Variants in OSBPL8 observed in about 807,000 individuals in gnomAD.
OSBPL8 encodes oxysterol binding protein like 8, also known as oxysterol-binding protein-related protein 8.
In OSBPL8, 59 loss-of-function variants were observed where a neutral mutation model predicts 125.5. The ratio of observed to expected loss-of-function variants is 0.47; its 90% CI spans 0.38 to 0.58. The LOEUF (loss-of-function observed/expected upper bound fraction) is 0.58, where lower values mean the gene tolerates loss of function less well. Among genes scored for constraint, OSBPL8 ranks in the 20% least tolerant of loss-of-function variants. The pLI is 0.00. For missense variants in OSBPL8, 758 were observed against 1,047.8 expected, an observed-to-expected ratio of 0.72 and a Z score of 3.82; for synonymous variants, 330 against 338.9, an observed-to-expected ratio of 0.97 and a Z score of 0.29.
rs951416498 is a variant in OSBPL8, at chr12:76,433,462, CA to C, written c.217+17388del. Among the ~76,000 whole-genome samples the C allele has an allele frequency of 4.8e-5, 7 of 144,468 alleles. No individual in the cohort carries two copies. The East Asian group carries it at 1.0e-3, about 21-fold the overall frequency. 94.8% of individuals were successfully genotyped at this position (144,468 alleles called of 152,430 possible). On this transcript the variant is annotated intron_variant, in intron 4 of 23. Coordinates refer to ENST00000261183, the MANE Select transcript of OSBPL8 (RefSeq NM_020841.5). ...ATAAAAACAATCCCAGTTACAATAG[CA>C]AAAAAAAAGAATACTTAGAAATAAA...
At chr12:76,407,027 G>A (rs1221778086) in intron 5 of OSBPL8, among the ~76,000 whole-genome samples, 1 of 152,142 alleles carries the variant, frequency 6.6e-6, no homozygotes, top group Non-Finnish European at 1.5e-5. Flanking sequence ...TGACCAAAAT[G>A]AGAGTATTCA....
At chr12:76,400,288 A>C (rs1438188897) in intron 6 of OSBPL8, among the ~76,000 whole-genome samples, 2 of 152,202 alleles carry the variant, frequency 1.3e-5, no homozygotes, top group East Asian at 1.9e-4. Flanking sequence ...TAGTCTGCTA[A>C]GGATAATGCC....
At chr12:76,410,853 G>A (rs1592629905) in intron 4 of OSBPL8, among the ~76,000 whole-genome samples, 1 of 152,168 alleles carries the variant, frequency 6.6e-6, no homozygotes, top group African/African-American at 2.4e-5. Context: ...CCAACATCGT[G>A]AAATATCTCT....
intron 1 of OSBPL8, among the ~76,000 whole-genome samples, chr12:76,513,273 G>A (rs977800024): frequency 1.3e-5 from 2 of 151,790 alleles, no homozygotes; most frequent in Non-Finnish European, 2.9e-5. Flanking sequence ...TATTTGTATT[G>A]CACTGTGGTC....
intron 1 of OSBPL8, among the ~76,000 whole-genome samples, chr12:76,550,850 C>T (rs1950916325): frequency 6.6e-6 from 1 of 152,058 alleles, no homozygotes; most frequent in African/African-American, 2.4e-5. Context: ...CCTGTAATCC[C>T]AACATTTTGG....
chr12:76,363,524 G>C (rs979105901), intron 21 of OSBPL8, among the ~76,000 whole-genome samples: 11 of 152,158 alleles, frequency 7.2e-5, no homozygotes, highest in African/African-American at 2.4e-4. Context: ...ATGGATTAAA[G>C]ACTTAAACAT....
intron 1 of OSBPL8, among the ~76,000 whole-genome samples, chr12:76,530,207 C>T (rs889893734): frequency 1.3e-5 from 2 of 149,156 alleles, no homozygotes; most frequent in Non-Finnish European, 3.0e-5. Flanking sequence ...TAGGCACGTG[C>T]CACCGGGCCT....
At position 76,355,559 on chromosome 12, in the gene OSBPL8, C is replaced by T. The variant is rs1472632437; in HGVS notation, c.*330G>A. On this transcript the variant is annotated 3_prime_UTR_variant, in exon 24 of 24. Transcript: ENST00000261183. ...TGTTAACATTATATCTCAGAACATA[C>T]TATAGAATACAAAGACTACTGTCAG... The T allele has an allele frequency of 5.7e-6, 1 of 174,246 alleles. No individual in the cohort carries two copies. The highest frequency in any genetic ancestry group is 6.1e-5 in the Admixed American group (1 of 16,272). The allele number at this position is 174,246 out of a possible 1,614,324, so 10.8% of individuals were successfully genotyped here. A position where few individuals can be genotyped will look rare whatever the true frequency, so the allele number is the denominator to read the frequency against.
At chr12:76,555,616 T>C (rs1951070593) in intron 1 of OSBPL8, among the ~76,000 whole-genome samples, 1 of 152,212 alleles carries the variant, frequency 6.6e-6, no homozygotes, top group South Asian at 2.1e-4. Context: ...GTATGCACTT[T>C]CACATGCATT....
At chr12:76,535,913 T>C (rs1445022180) in intron 1 of OSBPL8, among the ~76,000 whole-genome samples, 1 of 152,118 alleles carries the variant, frequency 6.6e-6, no homozygotes, top group Non-Finnish European at 1.5e-5. Context: ...CAAGAGAATT[T>C]TGGGGACTGA....
chr12:76,470,379 T>C (rs1196040818), intron 2 of OSBPL8, among the ~76,000 whole-genome samples: 1 of 152,188 alleles, frequency 6.6e-6, no homozygotes. Flanking sequence ...ACCGAAACCA[T>C]ATTATCACAT....
intron 4 of OSBPL8, among the ~76,000 whole-genome samples, chr12:76,429,061 C>A (rs1448000753): frequency 6.6e-6 from 1 of 152,020 alleles, no homozygotes; most frequent in Non-Finnish European, 1.5e-5. Flanking sequence ...TTATACCAAG[C>A]AATCTTATTA....
intron 4 of OSBPL8, among the ~76,000 whole-genome samples, chr12:76,411,238 C>T (rs1954502283): frequency 1.3e-5 from 2 of 152,068 alleles, no homozygotes. Flanking sequence ...TATACTCCTG[C>T]AATCATATAA....
At chr12:76,402,793 T>C (rs1182288237) in intron 5 of OSBPL8, 27 bp from the exon 6 acceptor site, 3 of 1,444,408 alleles carry the variant, frequency 2.1e-6, no homozygotes, top group Non-Finnish European at 2.9e-6. Flanking sequence ...ACAAGAGAAA[T>C]TAAATCCTTC....
intron 8 of OSBPL8, 71 bp downstream of exon 8, chr12:76,397,623 A>AT: frequency 7.1e-7 from 1 of 1,414,900 alleles, no homozygotes; most frequent in Admixed American, 1.9e-5. Flanking sequence ...AACTCATTTG[A>AT]TTGATGTATC....
At chr12:76,412,941 GCACTT>G (rs1592634098) in intron 4 of OSBPL8, among the ~76,000 whole-genome samples, 2 of 152,070 alleles carry the variant, frequency 1.3e-5, no homozygotes, top group East Asian at 3.9e-4. Context: ...GACACAAACA[GCACTT>G]CACACATACT....
chr12:76,535,617 G>A (rs1000605474), intron 1 of OSBPL8, among the ~76,000 whole-genome samples: 5 of 152,102 alleles, frequency 3.3e-5, no homozygotes, highest in African/African-American at 7.2e-5. Context: ...TACAATAACC[G>A]AAAATTACAA....
At chr12:76,546,486 G>T (rs1950786699) in intron 1 of OSBPL8, among the ~76,000 whole-genome samples, 1 of 151,966 alleles carries the variant, frequency 6.6e-6, no homozygotes, top group Non-Finnish European at 1.5e-5. Flanking sequence ...TCTATATAAT[G>T]CTGAAGATTC....
chr12:76,364,433 A>G (rs918497498), intron 21 of OSBPL8, among the ~76,000 whole-genome samples: 8 of 152,142 alleles, frequency 5.3e-5, no homozygotes, highest in Admixed American at 2.0e-4. Context: ...TCTTACTCAT[A>G]AGTGGGAGCT....
Sources: gnomAD v4.1 joint callset for allele counts (sites outside exome capture counted in the v4.1 genomes callset) on GRCh38, gnomAD v4.1.1 for gene constraint, MANE v1.5 for transcripts, NCBI Gene and HGNC (gene_info 2026-07-23, HGNC 2026-07-21) for gene names.